NAALADL2: variants seen among roughly 807,000 people sequenced by gnomAD.
NAALADL2 encodes inactive N-acetylated-alpha-linked acidic dipeptidase-like protein 2.
Under a neutral mutation model 87.2 loss-of-function variants are expected in NAALADL2, and 76 were observed. The observed-to-expected ratio is 0.87, with a 90% CI of 0.72 to 1.05. NAALADL2 has a LOEUF of 1.05. Among genes scored for constraint, NAALADL2 ranks in the 50% least tolerant of loss-of-function variants. The pLI, the probability that NAALADL2 is intolerant of heterozygous loss-of-function variation, is 0.00. For synonymous variants in NAALADL2, 354 were observed against 331.0 expected (o/e 1.07, Z -0.75); for missense variants, 1,089 against 945.8 (o/e 1.15, Z -1.99).
intron 1 of NAALADL2, among the ~76,000 whole-genome samples, chr3:175,013,822 TCTC>T (rs2108827554): frequency 6.6e-6 from 1 of 152,182 alleles, no homozygotes; most frequent in South Asian, 2.1e-4. Context: ...AATTCCTTCC[TCTC>T]GCATGTGCTG....
chr3:175,560,954 G>T (rs1054482299), intron 9 of NAALADL2, among the ~76,000 whole-genome samples: 3 of 152,124 alleles, frequency 2.0e-5, no homozygotes, highest in Non-Finnish European at 4.4e-5. Context: ...TTTGAAGTGG[G>T]TTCAAAAAGG....
At chr3:174,968,565 T>C (rs925724524) in intron 1 of NAALADL2, among the ~76,000 whole-genome samples, 5 of 152,028 alleles carry the variant, frequency 3.3e-5, no homozygotes, top group African/African-American at 1.2e-4. Flanking sequence ...CTGCAACCTC[T>C]GCCTCCCAGG....
chr3:175,638,381 A>G (rs1489885313), intron 11 of NAALADL2, among the ~76,000 whole-genome samples: 1 of 152,182 alleles, frequency 6.6e-6, no homozygotes, highest in Non-Finnish European at 1.5e-5. Context: ...TGCTCTTACT[A>G]AAATGGTATA....
chr3:174,604,095 T>C (rs114930675), intron 2 of NAALADL2, among the ~76,000 whole-genome samples: 239 of 152,268 alleles, frequency 1.6e-3, no homozygotes, highest in African/African-American at 5.5e-3. Flanking sequence ...TATAGTGCAA[T>C]TTATATCCAA....
At chr3:175,385,779 A>T (rs563215292) in intron 5 of NAALADL2, among the ~76,000 whole-genome samples, 3 of 152,226 alleles carry the variant, frequency 2.0e-5, no homozygotes, top group African/African-American at 7.2e-5. Flanking sequence ...ACAAATAAAG[A>T]TTTAAAAAAT....
At chr3:175,499,984 C>T (rs191443618) in intron 9 of NAALADL2, among the ~76,000 whole-genome samples, 6 of 152,038 alleles carry the variant, frequency 3.9e-5, no homozygotes, top group African/African-American at 7.2e-5. Context: ...CCAAGTAGAG[C>T]GTCAATATTG....
chr3:175,541,723 C>CTTGT (rs558716094), intron 9 of NAALADL2, among the ~76,000 whole-genome samples: 1 of 151,926 alleles, frequency 6.6e-6, no homozygotes, highest in African/African-American at 2.4e-5. Flanking sequence ...TTGATCTCTG[C>CTTGT]TTGTTTGTTT....
chr3:175,307,476 A>G (rs1757859900), intron 4 of NAALADL2, among the ~76,000 whole-genome samples: 1 of 152,170 alleles, frequency 6.6e-6, no homozygotes. Context: ...GTACCCTTGA[A>G]CATTTGGAGA....
At chr3:175,056,527 A>G (rs73038471) in intron 1 of NAALADL2, among the ~76,000 whole-genome samples, 34,080 of 152,076 alleles carry the variant, frequency 0.22, 5,066 homozygotes, top group African/African-American at 0.42. Context: ...AAGGTGGGTC[A>G]GGGAGATCCT....
At chr3:175,772,883 G>A (rs932830882) in intron 13 of NAALADL2, among the ~76,000 whole-genome samples, 3 of 152,024 alleles carry the variant, frequency 2.0e-5, no homozygotes, top group African/African-American at 7.3e-5. Context: ...CAACATTTTA[G>A]TGTTTCTCCG....
chr3:175,535,419 C>T (rs555484398), intron 9 of NAALADL2, among the ~76,000 whole-genome samples: 1 of 152,186 alleles, frequency 6.6e-6, no homozygotes, highest in Non-Finnish European at 1.5e-5. Flanking sequence ...TCTCCTGCTA[C>T]TCTCCACGAC....
intron 3 of NAALADL2, among the ~76,000 whole-genome samples, chr3:174,811,523 A>G (rs1181877133): frequency 6.6e-6 from 1 of 152,030 alleles, no homozygotes; most frequent in Non-Finnish European, 1.5e-5. Flanking sequence ...CTTGTGGCTG[A>G]TTTTTCCCTC....
chr3:175,050,322 G>C (rs938941541), intron 1 of NAALADL2, among the ~76,000 whole-genome samples: 1 of 151,308 alleles, frequency 6.6e-6, no homozygotes, highest in African/African-American at 2.4e-5. Context: ...GAGTGCAGTG[G>C]CGTGATCTCA....
intron 3 of NAALADL2, among the ~76,000 whole-genome samples, chr3:174,847,257 C>G (rs1263314621): frequency 6.6e-6 from 1 of 152,112 alleles, no homozygotes; most frequent in Admixed American, 6.5e-5. Flanking sequence ...GGAGAACTCA[C>G]AAGTATTAAG....
At chr3:174,638,586 G>GT (rs201043899) in intron 2 of NAALADL2, among the ~76,000 whole-genome samples, 212 of 151,074 alleles carry the variant, frequency 1.4e-3, no homozygotes, top group African/African-American at 4.7e-3. Context: ...GGAGGGTCAG[G>GT]TTTTTTTTTA....
At chr3:175,738,558 T>C (rs1194970772) in intron 12 of NAALADL2, among the ~76,000 whole-genome samples, 1 of 152,164 alleles carries the variant, frequency 6.6e-6, no homozygotes, top group Admixed American at 6.5e-5. Context: ...CCTTTTTTTT[T>C]CTTTACCTGG....
At chr3:174,688,470 C>G (rs900890973) in intron 2 of NAALADL2, among the ~76,000 whole-genome samples, 2 of 64,408 alleles carry the variant, frequency 3.1e-5, no homozygotes, top group South Asian at 8.8e-4. Flanking sequence ...TTAATTAAAC[C>G]TATCTCATAT....
At chr3:175,242,399 T>C (rs1747083613) in intron 3 of NAALADL2, 1 of 152,216 alleles carries the variant, frequency 6.6e-6, no homozygotes, top group South Asian at 2.1e-4. Flanking sequence ...CAGCAGATGC[T>C]GCAAATTCAG....
intron 2 of NAALADL2, among the ~76,000 whole-genome samples, chr3:175,186,814 T>C (rs986688801): frequency 4.6e-5 from 7 of 152,112 alleles, no homozygotes; most frequent in Non-Finnish European, 1.0e-4. Context: ...TGGTATACAT[T>C]ACAGATTCTG....
Sources: gnomAD v4.1 joint callset for allele counts (sites outside exome capture counted in the v4.1 genomes callset) on GRCh38, gnomAD v4.1.1 for gene constraint, MANE v1.5 for transcripts, NCBI Gene and HGNC (gene_info 2026-07-23, HGNC 2026-07-21) for gene names.